The following LHX4 variants were observed in gnomAD, a reference collection of about 807,000 sequenced individuals.
LHX4 encodes LIM homeobox 4, also known as LIM/homeobox protein Lhx4.
A neutral mutation model predicts 39.2 loss-of-function variants in LHX4; 16 were observed. That is an observed-to-expected ratio of 0.41 (90% CI 0.28 to 0.62). LHX4 has a LOEUF of 0.62. LHX4 is among the 20% of genes least tolerant of loss of function. LHX4 has a pLI of 0.33. For synonymous variants in LHX4, 206 were observed against 198.1 expected (o/e 1.04, Z -0.33); for missense variants, 439 against 511.9 (o/e 0.86, Z 1.37).
Position 180,271,263 on chromosome 1 carries a change from G to A in LHX4, c.452-117G>A, listed in dbSNP as rs774420338. On this transcript the variant is annotated intron_variant, in intron 3 of 5. Transcript: ENST00000263726. ...CACTCTGATGTCCCCTGTGCCTCGC[G>A]CTGTCCTGCCTACAGCAGGCAGGCT... The A allele has an allele frequency of 2.9e-4, 327 of 1,142,428 alleles. 1 individual carries two copies. Among genetic ancestry groups the A allele is most frequent in the Non-Finnish European group, 7.2e-5 (54 of 752,326 alleles). 70.8% of individuals were successfully genotyped at this position (1,142,428 alleles called of 1,614,324 possible).
At chr1:180,251,872 G>T (rs1297889561) in intron 2 of LHX4, among the ~76,000 whole-genome samples, 1 of 152,202 alleles carries the variant, frequency 6.6e-6, no homozygotes, top group African/African-American at 2.4e-5. Flanking sequence ...GTGATGGGGT[G>T]CTGTGAGGAG....
chr1:180,246,682 G>A (rs1259516795), intron 1 of LHX4, among the ~76,000 whole-genome samples: 1 of 152,230 alleles, frequency 6.6e-6, no homozygotes. Flanking sequence ...CTGCACTCCA[G>A]GCTGGATGAC....
intron 2 of LHX4, among the ~76,000 whole-genome samples, chr1:180,260,176 G>A (rs990607430): frequency 2.6e-5 from 4 of 151,690 alleles, no homozygotes; most frequent in Admixed American, 2.6e-4. Flanking sequence ...GGTCGGATGA[G>A]ATCACATGTG....
chr1:180,272,855 A>C lies in LHX4; in HGVS notation c.778+849A>C, dbSNP rs1157439279. On this transcript the variant is annotated intron_variant, in intron 5 of 5. Transcript: ENST00000263726. ...GTTGTGGGGATCAATGAACACAACCAACTGTGGATGTGCTTGGGGAAAGCC... is the reference window on the plus strand; with the variant it reads ...GTTGTGGGGATCAATGAACACAACCCACTGTGGATGTGCTTGGGGAAAGCC... 2.0e-5 allele frequency: 3 copies of C among 152,204 alleles called. No homozygotes were observed. In the East Asian group the frequency reaches 5.8e-4, roughly 29 times the overall value. The allele number at this position is 152,204 out of a possible 1,614,324, so 9.4% of individuals were successfully genotyped here. A position where few individuals can be genotyped will look rare whatever the true frequency, so the allele number is the denominator to read the frequency against.
chr1:180,251,270 C>T (rs1647616089), intron 2 of LHX4, among the ~76,000 whole-genome samples: 1 of 152,218 alleles, frequency 6.6e-6, no homozygotes, highest in African/African-American at 2.4e-5. Context: ...AAGCAGGATG[C>T]TCCATTCCCA....
chr1:180,242,182 CA>C (rs947563159), intron 1 of LHX4, among the ~76,000 whole-genome samples: 1 of 152,134 alleles, frequency 6.6e-6, no homozygotes, highest in Non-Finnish European at 1.5e-5. Flanking sequence ...TTTCCACAGA[CA>C]GAGCTTGATT....
intron 3 of LHX4, chr1:180,270,920 CAT>C (rs1365307524): frequency 1.2e-5 from 3 of 252,390 alleles, no homozygotes; most frequent in Non-Finnish European, 2.4e-5. Context: ...GCAAAGGTGA[CAT>C]GGCTGTGGGG....
intron 2 of LHX4, 94 bp downstream of exon 2, chr1:180,248,550 G>A (rs1165491979): frequency 4.3e-6 from 6 of 1,385,986 alleles, no homozygotes; most frequent in South Asian, 1.2e-5. Flanking sequence ...GCCAGGGAGG[G>A]TGGAGAGTCC....
intron 2 of LHX4, among the ~76,000 whole-genome samples, chr1:180,258,231 G>A (rs1297078394): frequency 6.6e-6 from 1 of 152,210 alleles, no homozygotes; most frequent in African/African-American, 2.4e-5. Context: ...AGGGGTCCAG[G>A]GGTGTCCCCC....
At chr1:180,237,591 A>C (rs1024050946) in intron 1 of LHX4, among the ~76,000 whole-genome samples, 1 of 152,112 alleles carries the variant, frequency 6.6e-6, no homozygotes, top group Admixed American at 6.5e-5. Flanking sequence ...TCGTCTTGGG[A>C]GGTGAGTCCT....
intron 1 of LHX4, among the ~76,000 whole-genome samples, chr1:180,237,740 A>G (rs762108719): frequency 2.6e-5 from 4 of 152,182 alleles, no homozygotes; most frequent in Non-Finnish European, 4.4e-5. Flanking sequence ...TGCTTTAATT[A>G]TGATGTTAGG....
chr1:180,256,703 G>A (rs1248562608), intron 2 of LHX4, among the ~76,000 whole-genome samples: 1 of 152,220 alleles, frequency 6.6e-6, no homozygotes. Context: ...TGTGGGTTCT[G>A]GGCCCCAAAG....
chr1:180,249,911 CAGTGTGTG>C (rs1323686114), intron 2 of LHX4, among the ~76,000 whole-genome samples: 3 of 150,880 alleles, frequency 2.0e-5, no homozygotes, highest in African/African-American at 7.3e-5. Context: ...GTGTGTGTGA[CAGTGTGTG>C]TGAGAGTGTG....
At position 180,250,348 on chromosome 1, in the gene LHX4, TGC is replaced by T. The variant is rs1553280372; in HGVS notation, c.248+1898_248+1899del. On this transcript the variant is annotated intron_variant, in intron 2 of 5. Coordinates refer to ENST00000263726, the MANE Select transcript of LHX4 (RefSeq NM_033343.4). The stretch of plus-strand genomic sequence containing the variant: ...TTGTGTGTGTGTGTGTGTGTGTGTG[TGC>T]GCGCGTGGGTTGACATATGTACCCG... Among the ~76,000 whole-genome samples, 594 of 63,420 alleles carry T rather than the reference TGC, an allele frequency of 9.4e-3. 4 individuals carry two copies. Among genetic ancestry groups the T allele is most frequent in the African/African-American group, 0.042 (552 of 13,276 alleles). The allele number at this position is 63,420 out of a possible 152,430, so 41.6% of individuals were successfully genotyped here.
chr1:180,247,788 C>T (rs943044448), intron 1 of LHX4, among the ~76,000 whole-genome samples: 2 of 152,210 alleles, frequency 1.3e-5, no homozygotes, highest in African/African-American at 4.8e-5. Flanking sequence ...CCGCCCCCTC[C>T]CCCACACCAT....
rs1449043068 is a variant in LHX4, at chr1:180,234,635, C to G, written c.76+4030C>G. Among the ~76,000 whole-genome samples, 1 of 152,260 alleles carries G rather than the reference C, an allele frequency of 6.6e-6. No homozygotes were observed. Among genetic ancestry groups the G allele is most frequent in the African/African-American group, 2.4e-5 (1 of 41,472 alleles). ...CAGTGCGCTCCGCATGCGGAATTAA[C>G]TGTTAAAGCCGGACACGGAGCACGC... On this transcript the variant is annotated intron_variant, in intron 1 of 5. Coordinates refer to ENST00000263726, the MANE Select transcript of LHX4 (RefSeq NM_033343.4). The surrounding 1 kb of genome is among the most constrained non-coding windows in gnomAD (Gnocchi z 4.8).
chr1:180,246,006 A>AG (rs1336014983), intron 1 of LHX4, among the ~76,000 whole-genome samples: 1 of 151,554 alleles, frequency 6.6e-6, no homozygotes, highest in African/African-American at 2.4e-5. Flanking sequence ...CTGTGGAGAT[A>AG]GAAAAAAAAA....
At chr1:180,238,630 T>C (rs1040102743) in intron 1 of LHX4, among the ~76,000 whole-genome samples, 22 of 152,256 alleles carry the variant, frequency 1.4e-4, no homozygotes, top group Non-Finnish European at 2.4e-4. Flanking sequence ...TTTTAAAGAA[T>C]TAATGTTGGA....
intron 3 of LHX4, among the ~76,000 whole-genome samples, chr1:180,267,159 T>C (rs546157403): frequency 1.3e-5 from 2 of 152,272 alleles, no homozygotes; most frequent in Non-Finnish European, 2.9e-5. Flanking sequence ...GCCCAGTGAG[T>C]GCTAAAAGAA....
Sources: gnomAD v4.1 joint callset for allele counts (sites outside exome capture counted in the v4.1 genomes callset) on GRCh38, gnomAD v4.1.1 for gene constraint, Gnocchi (gnomAD v3.1) non-coding constraint, MANE v1.5 for transcripts, NCBI Gene and HGNC (gene_info 2026-07-23, HGNC 2026-07-21) for gene names.